CORO2B: variants seen among roughly 807,000 people sequenced by gnomAD.
CORO2B encodes coronin-2B.
CORO2B carries 26 observed loss-of-function variants against 58.8 expected under a neutral mutation model. The ratio of observed to expected loss-of-function variants is 0.44; its 90% CI spans 0.32 to 0.61. The LOEUF is 0.61. Among genes scored for constraint, CORO2B ranks in the 20% least tolerant of loss-of-function variants. The probability of loss-of-function intolerance (pLI) is 0.04; values close to 1 mark genes in which losing one functional copy is unlikely to be tolerated. For synonymous variants in CORO2B, 242 were observed against 253.8 expected, an observed-to-expected ratio of 0.95 and a Z score of 0.44; for missense variants, 460 against 645.1, an observed-to-expected ratio of 0.71 and a Z score of 3.11.
chr15:68,613,330 AGCTTCAGG>A (rs1450238433), intron 1 of CORO2B, among the ~76,000 whole-genome samples: 1 of 152,206 alleles, frequency 6.6e-6, no homozygotes, highest in East Asian at 1.9e-4. Context: ...TCAAACCCAG[AGCTTCAGG>A]GCTTCAAAAA....
the CORO2B span, among the ~76,000 whole-genome samples, chr15:68,538,726 C>A: frequency 2.4e-4 from 36 of 151,534 alleles, no homozygotes; most frequent in African/African-American, 7.5e-4. Context: ...ACAAAAAAAA[C>A]CCAGCTTTAC....
chr15:68,575,566 C>T (rs1462139735), upstream of CORO2B, among the ~76,000 whole-genome samples: 1 of 89,260 alleles, frequency 1.1e-5, no homozygotes, highest in Non-Finnish European at 2.2e-5. Context: ...GAACTCCTGA[C>T]CTTGTGATCT....
chr15:68,613,583 A>G (rs138805222), intron 1 of CORO2B, among the ~76,000 whole-genome samples: 1 of 152,336 alleles, frequency 6.6e-6, no homozygotes, highest in African/African-American at 2.4e-5. Context: ...TTAAGAACCA[A>G]TGACGCACAA....
At chr15:68,600,784 A>G (rs1271739856) in intron 1 of CORO2B, among the ~76,000 whole-genome samples, 1 of 152,232 alleles carries the variant, frequency 6.6e-6, no homozygotes, top group Non-Finnish European at 1.5e-5. Context: ...GCCCTGGCCC[A>G]GCCTCCAGCT....
At chr15:68,614,456 C>T (rs190052183) in intron 1 of CORO2B, among the ~76,000 whole-genome samples, 3 of 152,092 alleles carry the variant, frequency 2.0e-5, no homozygotes, top group Admixed American at 6.6e-5. Context: ...GAGGAGCCTC[C>T]GGGCCAGCCA....
Position 68,705,436 on chromosome 15 carries a change from C to CAAAAAAA in CORO2B, c.334-5284_334-5278dup, listed in dbSNP as rs35973911. On this transcript the variant is annotated intron_variant, in intron 3 of 11. Coordinates refer to ENST00000261861, the MANE Select transcript of CORO2B (RefSeq NM_006091.5). ...CTGGGCAAAAGGTGAAACTCTATCTCAAAAAAAAAAAAAAAAAAGAAAGTA... is the reference window on the plus strand; with the variant it reads ...CTGGGCAAAAGGTGAAACTCTATCTCAAAAAAAAAAAAAAAAAAAAAAAAAGAAAGTA... Among the ~76,000 whole-genome samples, 3 of 112,810 alleles carry CAAAAAAA rather than the reference C, an allele frequency of 2.7e-5. 1 individual carries two copies. The highest frequency in any genetic ancestry group is 1.1e-4 in the African/African-American group (3 of 28,046). The allele number at this position is 112,810 out of a possible 152,430, so 74.0% of individuals were successfully genotyped here. A position where few individuals can be genotyped will look rare whatever the true frequency, so the allele number is the denominator to read the frequency against.
chr15:68,654,279 A>G (rs997093204), intron 2 of CORO2B, among the ~76,000 whole-genome samples: 4 of 152,226 alleles, frequency 2.6e-5, no homozygotes, highest in Non-Finnish European at 5.9e-5. Context: ...TTTGGAGTCC[A>G]GGGGGCCAGA....
intron 2 of CORO2B, among the ~76,000 whole-genome samples, chr15:68,650,837 C>G (rs1431327552): frequency 6.6e-6 from 1 of 152,170 alleles, no homozygotes; most frequent in African/African-American, 2.4e-5. Flanking sequence ...GTTTCAGAGG[C>G]CCTACAGGCC....
the CORO2B span, among the ~76,000 whole-genome samples, chr15:68,544,579 G>A: frequency 6.6e-6 from 1 of 152,168 alleles, no homozygotes; most frequent in Non-Finnish European, 1.5e-5. Flanking sequence ...ACCACCAGGA[G>A]GCAGGTTGGT....
intron 2 of CORO2B, among the ~76,000 whole-genome samples, chr15:68,648,407 GA>G (rs1377454549): frequency 6.6e-6 from 1 of 152,076 alleles, no homozygotes; most frequent in African/African-American, 2.4e-5. Flanking sequence ...AGCACTTTGG[GA>G]GGCAGAGGCG....
chr15:68,571,619 G>T, the CORO2B span, among the ~76,000 whole-genome samples: 7 of 152,264 alleles, frequency 4.6e-5, no homozygotes, highest in African/African-American at 7.2e-5. Context: ...TATAGGCCAA[G>T]AATTTTTAAT....
At chr15:68,528,410 A>G in the CORO2B span, among the ~76,000 whole-genome samples, 1 of 152,126 alleles carries the variant, frequency 6.6e-6, no homozygotes, top group Admixed American at 6.5e-5. Context: ...TATGGTTTTT[A>G]TCCTTCATTC....
At chr15:68,562,365 A>G in the CORO2B span, among the ~76,000 whole-genome samples, 1 of 152,166 alleles carries the variant, frequency 6.6e-6, no homozygotes, top group Non-Finnish European at 1.5e-5. Context: ...CTCCCTGCAC[A>G]AGAGTTATAT....
chr15:68,611,245 G>A lies in CORO2B; in HGVS notation c.15+31968G>A, dbSNP rs752982762. On this transcript the variant is annotated intron_variant, in intron 1 of 11. Coordinates refer to ENST00000261861, the MANE Select transcript of CORO2B (RefSeq NM_006091.5). ...TTGTATTTATTTTTAAAAAATAACA[G>A]TGTCTATTTCAGATTGTAAAAATGA... is the stretch of plus-strand genomic sequence containing the variant. 4.6e-4 allele frequency among the ~76,000 whole-genome samples: 70 copies of A among 152,310 alleles called. 1 individual carries two copies. The highest frequency in any genetic ancestry group is 7.5e-4 in the Non-Finnish European group (51 of 68,032).
At chr15:68,668,757 G>C (rs1178058241) in intron 2 of CORO2B, among the ~76,000 whole-genome samples, 1 of 152,136 alleles carries the variant, frequency 6.6e-6, no homozygotes, top group Non-Finnish European at 1.5e-5. Flanking sequence ...GCTAAACAAA[G>C]AAATATGGTA....
chr15:68,572,577 G>A, the CORO2B span, among the ~76,000 whole-genome samples: 1 of 152,106 alleles, frequency 6.6e-6, no homozygotes, highest in African/African-American at 2.4e-5. Context: ...GGGGCAGAAG[G>A]GGTGTCAGAA....
intron 1 of CORO2B, among the ~76,000 whole-genome samples, chr15:68,637,179 G>A (rs1193053204): frequency 6.6e-6 from 1 of 152,172 alleles, no homozygotes; most frequent in Admixed American, 6.5e-5. Flanking sequence ...TCTGAGAGAC[G>A]CTATGCTGAG....
At chr15:68,565,578 T>G in the CORO2B span, among the ~76,000 whole-genome samples, 2 of 152,050 alleles carry the variant, frequency 1.3e-5, no homozygotes, top group Non-Finnish European at 2.9e-5. Context: ...TTTCTCTGTC[T>G]GCATTTCTTT....
intron 2 of CORO2B, among the ~76,000 whole-genome samples, chr15:68,648,623 C>T (rs771562039): frequency 6.6e-6 from 1 of 152,092 alleles, no homozygotes; most frequent in Non-Finnish European, 1.5e-5. Flanking sequence ...GCACTCCAGC[C>T]TGGGCCACAG....
Sources: allele counts gnomAD v4.1 joint callset (sites outside exome capture counted in the v4.1 genomes callset), GRCh38; gene constraint gnomAD v4.1.1; transcripts MANE v1.5; gene names NCBI Gene and HGNC (gene_info 2026-07-23, HGNC 2026-07-21).